Variants in NCAM1 observed in about 807,000 individuals in gnomAD.
NCAM1 encodes the protein antigen recognized by monoclonal antibody 5.1H11.
In NCAM1, 14 loss-of-function variants were observed where a neutral mutation model predicts 109.8. The observed-to-expected ratio is 0.13, with a 90% confidence interval of 0.08 to 0.20. The LOEUF (loss-of-function observed/expected upper bound fraction) is 0.20. Ranked by LOEUF, NCAM1 falls within the 10% of genes least tolerant of loss-of-function variation. NCAM1 has a pLI of 1.00. For synonymous variants in NCAM1, 418 were observed against 442.9 expected (o/e 0.94, Z 0.70); for missense variants, 774 against 1,109.9 (o/e 0.70, Z 4.30).
At chr11:112,968,028 AC>A (rs1258254230) in intron 1 of NCAM1, among the ~76,000 whole-genome samples, 3 of 152,154 alleles carry the variant, frequency 2.0e-5, no homozygotes, top group Non-Finnish European at 4.4e-5. Flanking sequence ...CAGTTGAGGA[AC>A]CCTGAAAACT....
At chr11:113,121,537 C>CA (rs3051887) in intron 1 of NCAM1, among the ~76,000 whole-genome samples, 11,071 of 92,162 alleles carry the variant, frequency 0.12, 1,050 homozygotes, top group East Asian at 0.18. Flanking sequence ...ACCAATCTTA[C>CA]AAAAAAAAAA....
chr11:113,024,491 T>C (rs1952482145), intron 1 of NCAM1, among the ~76,000 whole-genome samples: 1 of 152,208 alleles, frequency 6.6e-6, no homozygotes, highest in African/African-American at 2.4e-5. Flanking sequence ...AAGTTTAGTG[T>C]AATTTAGAAA....
chr11:113,059,082 T>C (rs1273419665), intron 1 of NCAM1, among the ~76,000 whole-genome samples: 1 of 152,004 alleles, frequency 6.6e-6, no homozygotes, highest in African/African-American at 2.4e-5. Context: ...GAGAACAGAG[T>C]TCTAGGCTTC....
intron 16 of NCAM1, 135 bp downstream of exon 16, chr11:113,256,136 G>A (rs919973029): frequency 2.5e-6 from 3 of 1,198,458 alleles, no homozygotes; most frequent in East Asian, 5.2e-5. Context: ...TGGCCCATGG[G>A]CCCTGGCCAT....
chr11:113,067,620 C>G (rs1245869776), intron 1 of NCAM1, among the ~76,000 whole-genome samples: 2 of 152,236 alleles, frequency 1.3e-5, no homozygotes, highest in African/African-American at 4.8e-5. Context: ...AACTAGCTCA[C>G]TAGTTCTACC....
intron 9 of NCAM1, among the ~76,000 whole-genome samples, chr11:113,223,141 G>T (rs924812133): frequency 6.6e-6 from 1 of 152,188 alleles, no homozygotes; most frequent in Non-Finnish European, 1.5e-5. Flanking sequence ...CTTGCCCAGA[G>T]CTCATCTCCT....
intron 1 of NCAM1, among the ~76,000 whole-genome samples, chr11:113,076,549 C>T (rs1454056920): frequency 6.6e-6 from 1 of 152,186 alleles, no homozygotes; most frequent in Non-Finnish European, 1.5e-5. Flanking sequence ...TTAGAATCTG[C>T]CCCAACTAAA....
intron 17 of NCAM1, chr11:113,263,157 A>C: frequency 8.3e-7 from 1 of 1,199,924 alleles, no homozygotes; most frequent in Non-Finnish European, 1.0e-6. Context: ...AATGGCAGTA[A>C]AAAGAATTTG....
intron 9 of NCAM1, among the ~76,000 whole-genome samples, chr11:113,226,845 A>G (rs1368236462): frequency 6.6e-6 from 1 of 152,270 alleles, no homozygotes; most frequent in Non-Finnish European, 1.5e-5. Flanking sequence ...GTACATAACG[A>G]AATGAAGGCA....
At chr11:113,046,775 A>C (rs1953281624) in intron 1 of NCAM1, among the ~76,000 whole-genome samples, 1 of 150,496 alleles carries the variant, frequency 6.6e-6, no homozygotes, top group Non-Finnish European at 1.5e-5. Context: ...ATGATAGAAT[A>C]ATAGATGAAA....
intron 1 of NCAM1, among the ~76,000 whole-genome samples, chr11:113,139,357 A>G (rs1446549043): frequency 6.6e-6 from 1 of 152,132 alleles, no homozygotes; most frequent in Non-Finnish European, 1.5e-5. Context: ...TAGCTTATGT[A>G]TATCGTTTAT....
chr11:113,240,941 G>A, intron 14 of NCAM1: 1 of 1,198,088 alleles, frequency 8.3e-7, no homozygotes, highest in South Asian at 1.2e-5. Flanking sequence ...AACTCAGTTG[G>A]TGGAAAGCAG....
rs1946058645 is a variant in NCAM1 at position 113,263,269 on chromosome 11, ATATG to A, written c.2131+2947_2131+2950del. ...TGTTGCATTTTGGGTTCAAACCTAA[ATATG>A]ATGTAGCAGAGGAAGAATTCTAAGT... On this transcript the variant is annotated intron_variant, in intron 17 of 19. Transcript: ENST00000316851. The A allele has an allele frequency of 2.9e-6, 3 of 1,031,820 alleles. No homozygotes were observed. The Admixed American group carries it at 1.6e-4, about 54-fold the overall frequency. The allele number at this position is 1,031,820 out of a possible 1,614,324, so 63.9% of individuals were successfully genotyped here.
intron 1 of NCAM1, chr11:113,003,831 C>T (rs1468777231): frequency 2.2e-4 from 34 of 152,324 alleles, no homozygotes; most frequent in Admixed American, 1.6e-3. Context: ...GGTTTTGGCA[C>T]GGGCTCTTGC....
chr11:112,985,253 C>CTT (rs10630754), intron 1 of NCAM1, among the ~76,000 whole-genome samples: 17,364 of 143,122 alleles, frequency 0.12, 1,169 homozygotes, highest in East Asian at 0.32. Context: ...GTCTATGTAT[C>CTT]TTTTTTTTTT....
At chr11:113,153,475 A>AGAGC (rs1555102886) in intron 1 of NCAM1, among the ~76,000 whole-genome samples, 1 of 148,668 alleles carries the variant, frequency 6.7e-6, no homozygotes, top group African/African-American at 2.5e-5. Flanking sequence ...AGAGAGAGAG[A>AGAGC]GTGTGTGTGT....
At chr11:113,115,179 C>G (rs782210890) in intron 1 of NCAM1, among the ~76,000 whole-genome samples, 1 of 152,140 alleles carries the variant, frequency 6.6e-6, no homozygotes, top group Non-Finnish European at 1.5e-5. Context: ...ATTGCCCCAC[C>G]AACCAGCTGA....
In NCAM1 at chr11:113,009,312, G is replaced by GTTTTTTTGTTGTTGTTTT. The variant is rs1555073910; in HGVS notation, c.52+47655_52+47656insGTTGTTGTTTTTTTTTTT. On this transcript the variant is annotated intron_variant, in intron 1 of 19. Coordinates refer to ENST00000316851, the MANE Select transcript of NCAM1 (RefSeq NM_181351.5). ...GATTTAATTGGAAGGGTTTTTTCGG[G>GTTTTTTTGTTGTTGTTTT]TTTTTTTTTTTTTTTTTTTTTTTTT... 6.7e-4 allele frequency among the ~76,000 whole-genome samples: 53 copies of GTTTTTTTGTTGTTGTTTT among 79,684 alleles called. 4 individuals are homozygous for GTTTTTTTGTTGTTGTTTT. Among genetic ancestry groups the GTTTTTTTGTTGTTGTTTT allele is most frequent in the East Asian group, 5.2e-3 (10 of 1,920 alleles). The allele number at this position is 79,684 out of a possible 152,430, so 52.3% of individuals were successfully genotyped here.
chr11:112,971,153 A>G (rs1438061544), intron 1 of NCAM1, among the ~76,000 whole-genome samples: 31 of 152,084 alleles, frequency 2.0e-4, no homozygotes, highest in African/African-American at 7.5e-4. Context: ...GGAAGGAGGG[A>G]GAGAAGGAGG....
Sources: gnomAD v4.1 joint callset for allele counts (sites outside exome capture counted in the v4.1 genomes callset) on GRCh38, gnomAD v4.1.1 for gene constraint, MANE v1.5 for transcripts, NCBI Gene and HGNC (gene_info 2026-07-23, HGNC 2026-07-21) for gene names.